The following SPRTN variants were observed in gnomAD, a reference collection of about 807,000 sequenced individuals.
The protein encoded by SPRTN is DNA-dependent metalloprotease SPRTN.
Under a neutral mutation model 31.9 loss-of-function variants are expected in SPRTN, and 11 were observed. The ratio of observed to expected loss-of-function variants is 0.34; its 90% CI spans 0.22 to 0.57. The LOEUF (loss-of-function observed/expected upper bound fraction) is 0.57, where lower values mean the gene tolerates loss of function less well. Ranked by LOEUF, SPRTN falls within the 20% of genes least tolerant of loss-of-function variation. The pLI is 0.86. For synonymous variants in SPRTN, 185 were observed against 212.1 expected (o/e 0.87, Z 1.11); for missense variants, 482 against 590.1 (o/e 0.82, Z 1.90).
At chr1:231,339,214 C>T (rs1036227118) in intron 1 of SPRTN, among the ~76,000 whole-genome samples, 7 of 152,192 alleles carry the variant, frequency 4.6e-5, no homozygotes, top group Non-Finnish European at 8.8e-5. Flanking sequence ...TAGAAAACAA[C>T]CTACTGTCAA....
rs1054937989 is a variant in SPRTN, at chr1:231,353,711, G to C, written c.*350G>C. 5 of 989,808 alleles carry C rather than the reference G, an allele frequency of 5.1e-6. No homozygotes were observed. The highest frequency in any genetic ancestry group is 3.5e-5 in the African/African-American group (2 of 57,116). 61.3% of individuals were successfully genotyped at this position (989,808 alleles called of 1,614,324 possible). On this transcript the variant is annotated 3_prime_UTR_variant, in exon 5 of 5. Coordinates refer to ENST00000295050, the MANE Select transcript of SPRTN (RefSeq NM_032018.7). Reference sequence around the variant, plus strand: ...AATATTCATATGGGGAATCCTGTCAGGTGTTTGGTTATATTGACTATTTAT... The same window carrying C: ...AATATTCATATGGGGAATCCTGTCACGTGTTTGGTTATATTGACTATTTAT...
chr1:231,339,709 G>A, intron 1 of SPRTN, 60 bp from the exon 2 acceptor site: 1 of 1,535,130 alleles, frequency 6.5e-7, no homozygotes, highest in South Asian at 1.1e-5. Context: ...GCCCAAGAAT[G>A]TGTAAGGACT....
chr1:231,338,993 ATG>A (rs1367983310), intron 1 of SPRTN, among the ~76,000 whole-genome samples: 1 of 152,206 alleles, frequency 6.6e-6, no homozygotes, highest in African/African-American at 2.4e-5. Flanking sequence ...CTGCCAAAGG[ATG>A]TGTGTTCTCC....
intron 2 of SPRTN, among the ~76,000 whole-genome samples, chr1:231,343,150 G>A (rs185446702): frequency 3.3e-5 from 5 of 151,938 alleles, no homozygotes; most frequent in Non-Finnish European, 5.9e-5. Flanking sequence ...GTGCAGGTTC[G>A]TTGCCTAGGA....
chr1:231,342,900 A>G (rs1686940506), intron 2 of SPRTN, among the ~76,000 whole-genome samples: 1 of 151,416 alleles, frequency 6.6e-6, no homozygotes, highest in Non-Finnish European at 1.5e-5. Flanking sequence ...ATGCCAGGCC[A>G]ATTTTTTGTA....
chr1:231,353,446 A>C lies in SPRTN; in HGVS notation c.*85A>C, dbSNP rs1333071906. 31 of 1,480,050 alleles carry C rather than the reference A, an allele frequency of 2.1e-5. No homozygotes were observed. Among genetic ancestry groups the C allele is most frequent in the Non-Finnish European group, 2.6e-5 (29 of 1,124,360 alleles). The allele number at this position is 1,480,050 out of a possible 1,614,324, so 91.7% of individuals were successfully genotyped here. A position where few individuals can be genotyped will look rare whatever the true frequency, so the allele number is the denominator to read the frequency against. ...AGTCAGGAAGTTCTGGTTAATACTA[A>C]GATTTGTAGGTTATAATCTAGTTCA... On this transcript the variant is annotated 3_prime_UTR_variant, in exon 5 of 5. Transcript: ENST00000295050.
chr1:231,346,239 A>G (rs1571995787), intron 2 of SPRTN, among the ~76,000 whole-genome samples: 2 of 127,350 alleles, frequency 1.6e-5, no homozygotes, highest in Non-Finnish European at 3.1e-5. Flanking sequence ...ATCAGGCTGG[A>G]GTGCAGTGGT....
chr1:231,345,866 G>T (rs1363763998), intron 2 of SPRTN, among the ~76,000 whole-genome samples: 5 of 152,138 alleles, frequency 3.3e-5, no homozygotes, highest in Non-Finnish European at 5.9e-5. Context: ...GGGTTGTCCA[G>T]GCTGGAGGTA....
rs769653749 is a variant in SPRTN at position 231,353,116 on chromosome 1, C to G, written c.1225C>G (p.Pro409Ala). 6.2e-7 allele frequency: 1 copy of G among 1,613,400 alleles called. No homozygotes were observed. The highest frequency in any genetic ancestry group is 1.1e-5 in the South Asian group (1 of 90,944). ...TGAAGATACATTCCCAAATAAACGACCTAGGCTAGAAGATAAGACTGTTTT... is the reference window on the plus strand; with the variant it reads ...TGAAGATACATTCCCAAATAAACGAGCTAGGCTAGAAGATAAGACTGTTTT... Reference protein sequence around the residue: ...GSEDTFPNKRPRLEDKTVFDN... With the variant: ...GSEDTFPNKRARLEDKTVFDN... Residue 409 changes from proline to alanine, a missense_variant, in exon 5 of 5, where the codon CCT (proline) becomes GCT (alanine). Around this residue, in one of 2 missense-constraint regions of SPRTN, gnomAD observed 325 missense variants for 350.2 expected, o/e 0.93. Transcript: ENST00000295050.
chr1:231,351,290 C>T lies in SPRTN; in HGVS notation c.451-14C>T. On this transcript the variant is annotated splice_polypyrimidine_tract_variant and intron_variant, in intron 3 of 4. Transcript: ENST00000295050. ...ACTTGCTTATTGAATACTAAAAATT[C>T]TGTCTCCACTCAGGTATACCATACT... The T allele has an allele frequency of 6.8e-7, 1 of 1,480,820 alleles. No individual in the cohort carries two copies. The highest frequency in any genetic ancestry group is 9.0e-7 in the Non-Finnish European group (1 of 1,109,670). 91.7% of individuals were successfully genotyped at this position (1,480,820 alleles called of 1,614,324 possible). A position where few individuals can be genotyped will look rare whatever the true frequency, so the allele number is the denominator to read the frequency against.
chr1:231,344,475 C>G (rs535856669), intron 2 of SPRTN: 50 of 171,910 alleles, frequency 2.9e-4, no homozygotes, highest in African/African-American at 1.2e-3. Context: ...CCACTGCACT[C>G]CAGTCTGGGT....
chr1:231,340,809 A>AG (rs397862008), intron 2 of SPRTN, among the ~76,000 whole-genome samples: 1 of 151,898 alleles, frequency 6.6e-6, no homozygotes, highest in East Asian at 1.9e-4. Flanking sequence ...AAAAAAAAAA[A>AG]GAAAGAATTA....
At chr1:231,338,711 T>G in intron 1 of SPRTN, 107 bp downstream of exon 1, 1 of 1,320,184 alleles carries the variant, frequency 7.6e-7, no homozygotes, top group South Asian at 1.3e-5. Context: ...CAGGGGGCGT[T>G]AAATGAGGGG....
rs753655266 is a variant in SPRTN at position 231,339,848 on chromosome 1, C to A, written c.301C>A (p.Pro101Thr). ...CAGCGAACCCCTTTTGAAGTTGAGG[C>A]CAAGAAAGGATCTTGTAGAGGTATT... is the stretch of plus-strand genomic sequence containing the variant. ...RLSEPLLKLRPRKDLVETLLH... is the reference protein window; with the variant it reads ...RLSEPLLKLRTRKDLVETLLH... The change falls in exon 2 of 5, where the codon CCA (proline) becomes ACA (threonine). Residue 101 changes from proline to threonine, a missense_variant. Transcript: ENST00000295050. 8.1e-6 allele frequency: 13 copies of A among 1,613,834 alleles called. No individual in the cohort carries two copies. In the Admixed American group the frequency reaches 1.3e-4, roughly 17 times the overall value.
At chr1:231,351,207 A>T (rs1052911585) in intron 3 of SPRTN, 97 bp from the exon 4 acceptor site, 47 of 65,096 alleles carry the variant, frequency 7.2e-4, no homozygotes, top group African/African-American at 2.3e-3. Context: ...TCAAAAATTA[A>T]AAAAAAAAAA....
intron 1 of SPRTN, chr1:231,339,425 A>C: frequency 2.0e-6 from 1 of 500,966 alleles, no homozygotes; most frequent in South Asian, 1.9e-5. Flanking sequence ...GGGGAGCTGC[A>C]GTTGGGCCAT....
intron 3 of SPRTN, among the ~76,000 whole-genome samples, chr1:231,349,880 C>G (rs995278716): frequency 6.6e-6 from 1 of 152,128 alleles, no homozygotes; most frequent in African/African-American, 2.4e-5. Flanking sequence ...ATCGTGGTAG[C>G]TCACGCCTGT....
In SPRTN at chr1:231,339,711, G is replaced by A. The variant is rs992055507; in HGVS notation, c.222-58G>A. 10 of 1,549,064 alleles carry A rather than the reference G, an allele frequency of 6.5e-6. No individual in the cohort carries two copies. The Admixed American group carries it at 1.5e-4, about 23-fold the overall frequency. On this transcript the variant is annotated intron_variant, in intron 1 of 4. Transcript: ENST00000295050. ...GTTAGTGTGAACTGCCCAAGAATGT[G>A]TAAGGACTTGGGCATATTTGGCCAA... is the stretch of plus-strand genomic sequence containing the variant.
chr1:231,348,057 G>C, intron 3 of SPRTN, 132 bp downstream of exon 3: 1 of 1,303,958 alleles, frequency 7.7e-7, no homozygotes, highest in Non-Finnish European at 1.0e-6. Flanking sequence ...GAGAGGCCTA[G>C]AGAAGCAAAT....
Sources: gnomAD v4.1 joint callset for allele counts (sites outside exome capture counted in the v4.1 genomes callset) on GRCh38, gnomAD v4.1.1 for gene constraint, gnomAD v4.1.1 regional missense constraint, MANE v1.5 for transcripts, NCBI Gene and HGNC (gene_info 2026-07-23, HGNC 2026-07-21) for gene names.